SAMD5: variants seen among roughly 807,000 people sequenced by gnomAD.
The protein encoded by SAMD5 is sterile alpha motif domain containing 5.
A neutral mutation model predicts 11.3 loss-of-function variants in SAMD5; 13 were observed. That is an observed-to-expected ratio of 1.15 (90% CI 0.75 to 1.83). SAMD5 has a LOEUF of 1.83. Among genes scored for constraint, SAMD5 ranks in the 40% most tolerant of loss-of-function variants. SAMD5 has a pLI of 0.00. For missense variants in SAMD5, 255 were observed against 239.1 expected (o/e 1.07, Z -0.44); for synonymous variants, 129 against 111.3 (o/e 1.16, Z -1.00).
chr6:147,819,965 T>C, the SAMD5 span, among the ~76,000 whole-genome samples: 1 of 152,094 alleles, frequency 6.6e-6, no homozygotes, highest in Non-Finnish European at 1.5e-5. Flanking sequence ...ACCAGGAGGC[T>C]GAGTAGGTCA....
At chr6:147,670,222 A>G (rs1325529860) in intron 1 of SAMD5, among the ~76,000 whole-genome samples, 2 of 152,246 alleles carry the variant, frequency 1.3e-5, no homozygotes, top group African/African-American at 2.4e-5. Context: ...AAAATATTCA[A>G]TAAGCCATGT....
the SAMD5 span, among the ~76,000 whole-genome samples, chr6:147,763,503 A>G: frequency 6.7e-6 from 1 of 148,706 alleles, no homozygotes; most frequent in South Asian, 2.1e-4. Flanking sequence ...TCTATGCTCT[A>G]TTCATATTTC....
chr6:147,852,155 T>C, the SAMD5 span, among the ~76,000 whole-genome samples: 61,271 of 151,990 alleles, frequency 0.4, 13,675 homozygotes, highest in African/African-American at 0.6. Context: ...ATCACTTTTA[T>C]AGTTCATAAA....
chr6:147,916,998 A>G, the SAMD5 span, among the ~76,000 whole-genome samples: 1 of 148,022 alleles, frequency 6.8e-6, no homozygotes, highest in South Asian at 2.2e-4. Context: ...GCTATTGTGA[A>G]TAGTGCCACA....
chr6:147,549,195 T>C (rs1788730227), intron 1 of SAMD5, among the ~76,000 whole-genome samples: 2 of 152,236 alleles, frequency 1.3e-5, no homozygotes, highest in African/African-American at 4.8e-5. Flanking sequence ...GATAAACGCC[T>C]GATACTTGCG....
chr6:147,874,151 CTAGGGTGGGGAAACAGGCTG>C, the SAMD5 span, among the ~76,000 whole-genome samples: 2 of 152,056 alleles, frequency 1.3e-5, no homozygotes, highest in South Asian at 4.1e-4. Context: ...AGGCTTTTTC[CTAGGGTGGGGAAACAGGCTG>C]ATTGGCTTTA....
chr6:147,563,467 A>T (rs1051245933), intron 1 of SAMD5, among the ~76,000 whole-genome samples: 2 of 152,242 alleles, frequency 1.3e-5, no homozygotes, highest in African/African-American at 4.8e-5. Flanking sequence ...TCAATAAGCA[A>T]GCGGTTGAAT....
At chr6:147,637,013 G>T (rs1183533422) in intron 1 of SAMD5, among the ~76,000 whole-genome samples, 1 of 152,128 alleles carries the variant, frequency 6.6e-6, no homozygotes, top group Non-Finnish European at 1.5e-5. Context: ...CAATGAAGAG[G>T]GAGAAGTGAC....
the SAMD5 span, among the ~76,000 whole-genome samples, chr6:147,796,995 C>T: frequency 6.4e-3 from 913 of 142,546 alleles, 6 homozygotes; most frequent in Middle Eastern, 0.042. Flanking sequence ...TCTAGATATA[C>T]AATCATGTCA....
At chr6:147,856,575 A>G in the SAMD5 span, among the ~76,000 whole-genome samples, 3,068 of 152,286 alleles carry the variant, frequency 0.02, 59 homozygotes, top group Non-Finnish European at 0.032. Flanking sequence ...GTGACCTTAC[A>G]CTTGATAGGA....
At chr6:147,619,052 A>C (rs1036182680) in intron 1 of SAMD5, among the ~76,000 whole-genome samples, 1 of 152,072 alleles carries the variant, frequency 6.6e-6, no homozygotes, top group Non-Finnish European at 1.5e-5. Context: ...CTGCCTCCCA[A>C]AGCTGTGTGA....
chr6:147,657,093 A>G (rs1358453391), intron 1 of SAMD5, among the ~76,000 whole-genome samples: 5 of 152,178 alleles, frequency 3.3e-5, no homozygotes, highest in African/African-American at 4.8e-5. Context: ...TTTCACTTCT[A>G]TAATAAAGTG....
At chr6:147,622,859 A>G (rs986957589) in intron 1 of SAMD5, among the ~76,000 whole-genome samples, 1 of 152,186 alleles carries the variant, frequency 6.6e-6, no homozygotes, top group African/African-American at 2.4e-5. Flanking sequence ...TCATGGCGGA[A>G]GGTGAAAGGC....
At chr6:147,626,224 G>C (rs75501799) in intron 1 of SAMD5, among the ~76,000 whole-genome samples, 105 of 152,176 alleles carry the variant, frequency 6.9e-4, no homozygotes, top group African/African-American at 2.5e-3. Context: ...ACCAGTGCCA[G>C]CAACCCCCAT....
chr6:147,948,990 G>T, the SAMD5 span, among the ~76,000 whole-genome samples: 1 of 152,176 alleles, frequency 6.6e-6, no homozygotes, highest in Non-Finnish European at 1.5e-5. Flanking sequence ...ACAGGAGACA[G>T]AAAGATGGAG....
the SAMD5 span, among the ~76,000 whole-genome samples, chr6:147,781,885 G>A: frequency 1.3e-5 from 2 of 151,956 alleles, no homozygotes; most frequent in Middle Eastern, 3.4e-3. Context: ...GGTTGTGGTG[G>A]TGGTGGTCCT....
chr6:147,843,325 C>G, the SAMD5 span, among the ~76,000 whole-genome samples: 1 of 152,014 alleles, frequency 6.6e-6, no homozygotes, highest in East Asian at 1.9e-4. Flanking sequence ...TATAAAATAT[C>G]GATTAAAGAA....
At chr6:147,679,806 C>CTT (rs143350409) in intron 1 of SAMD5, among the ~76,000 whole-genome samples, 31 of 139,620 alleles carry the variant, frequency 2.2e-4, no homozygotes, top group African/African-American at 6.3e-4. Flanking sequence ...TGGATAAAAA[C>CTT]TTTTTTTTTT....
rs1486513648 is a variant in SAMD5, at chr6:147,711,022, T to G, written c.163-26295T>G. 3.9e-4 allele frequency among the ~76,000 whole-genome samples: 42 copies of G among 107,410 alleles called. No individual in the cohort carries two copies. Among genetic ancestry groups the G allele is most frequent in the African/African-American group, 6.6e-4 (18 of 27,322 alleles). The allele number at this position is 107,410 out of a possible 152,430, so 70.5% of individuals were successfully genotyped here. On this transcript the variant is annotated intron_variant, in intron 1 of 1. Coordinates refer to the SAMD5 transcript ENST00000566741. The surrounding 1 kb of genome is among the most constrained non-coding windows in gnomAD (Gnocchi z 4.1). The stretch of plus-strand genomic sequence containing the variant: ...AAGGAAAATAAAGGAAGGAAGGAAA[T>G]AAGGAAGGAGGGAAGGAAAATGAAA...
Sources: gnomAD v4.1 joint callset for allele counts (sites outside exome capture counted in the v4.1 genomes callset) on GRCh38, gnomAD v4.1.1 for gene constraint, Gnocchi (gnomAD v3.1) non-coding constraint, MANE v1.5 for transcripts, NCBI Gene and HGNC (gene_info 2026-07-23, HGNC 2026-07-21) for gene names.